Variants in CDK17 observed in about 807,000 individuals in gnomAD.
CDK17 encodes the protein cyclin dependent kinase 17.
CDK17 carries 24 observed loss-of-function variants against 77.6 expected under a neutral mutation model. The ratio of observed to expected loss-of-function variants is 0.31; its 90% CI spans 0.22 to 0.44. The LOEUF (loss-of-function observed/expected upper bound fraction) is 0.44. CDK17 is among the 20% of genes least tolerant of loss of function. The probability of loss-of-function intolerance (pLI) is 1.00; values close to 1 mark genes in which losing one functional copy is unlikely to be tolerated. For missense variants in CDK17, 429 were observed against 622.5 expected, an observed-to-expected ratio of 0.69 and a Z score of 3.31; for synonymous variants, 203 against 210.4, an observed-to-expected ratio of 0.96 and a Z score of 0.30.
intron 1 of CDK17, among the ~76,000 whole-genome samples, chr12:96,365,127 A>C (rs919406019): frequency 7.9e-5 from 12 of 152,228 alleles, no homozygotes; most frequent in African/African-American, 2.9e-4. Context: ...AATGTTAAAT[A>C]AAAATAAAAT....
At chr12:96,365,261 T>C (rs2137196349) in intron 1 of CDK17, among the ~76,000 whole-genome samples, 1 of 152,296 alleles carries the variant, frequency 6.6e-6, no homozygotes, top group Admixed American at 6.5e-5. Flanking sequence ...ATGAATAACA[T>C]CACTATATAC....
chr12:96,327,357 C>G (rs1952904342), intron 2 of CDK17, among the ~76,000 whole-genome samples: 1 of 151,870 alleles, frequency 6.6e-6, no homozygotes, highest in Non-Finnish European at 1.5e-5. Context: ...ACTACAGTAC[C>G]CTAAGTAACA....
At chr12:96,368,675 G>A (rs1049028372) in intron 1 of CDK17, among the ~76,000 whole-genome samples, 3 of 151,606 alleles carry the variant, frequency 2.0e-5, no homozygotes, top group Non-Finnish European at 2.9e-5. Flanking sequence ...CCACATTTTC[G>A]TCTAATATTC....
At chr12:96,397,867 T>A (rs911029323) in intron 1 of CDK17, among the ~76,000 whole-genome samples, 1 of 152,146 alleles carries the variant, frequency 6.6e-6, no homozygotes, top group African/African-American at 2.4e-5. Context: ...TTTTAAGTGG[T>A]GGAGTAGGGT....
chr12:96,399,427 G>C (rs929816456), intron 1 of CDK17: 1 of 152,610 alleles, frequency 6.6e-6, no homozygotes. Flanking sequence ...TCCCACGCGC[G>C]GGCTCCTCCT....
At chr12:96,386,266 G>A (rs1953973078) in intron 1 of CDK17, among the ~76,000 whole-genome samples, 1 of 152,158 alleles carries the variant, frequency 6.6e-6, no homozygotes, top group African/African-American at 2.4e-5. Context: ...AAAGTGCTGG[G>A]ATTACAGACG....
At chr12:96,329,378 C>G (rs930598638) in intron 2 of CDK17, among the ~76,000 whole-genome samples, 1 of 151,928 alleles carries the variant, frequency 6.6e-6, no homozygotes, top group East Asian at 1.9e-4. Context: ...TAATTAGTTC[C>G]AAGTAAGGAT....
At chr12:96,368,297 T>G (rs1314875733) in intron 1 of CDK17, among the ~76,000 whole-genome samples, 1 of 152,220 alleles carries the variant, frequency 6.6e-6, no homozygotes, top group Non-Finnish European at 1.5e-5. Context: ...TTTTTGTGGC[T>G]AGATGTTAGG....
chr12:96,307,677 C>T (rs1952593168), intron 5 of CDK17, among the ~76,000 whole-genome samples: 1 of 152,100 alleles, frequency 6.6e-6, no homozygotes, highest in Non-Finnish European at 1.5e-5. Context: ...TCAAGACCAG[C>T]TTGGCCAACA....
chr12:96,346,120 C>A (rs573044889), intron 1 of CDK17, among the ~76,000 whole-genome samples: 1 of 152,176 alleles, frequency 6.6e-6, no homozygotes, highest in Admixed American at 6.5e-5. Context: ...GAGTTCAAGA[C>A]CAGCCTGGCC....
chr12:96,396,534 C>T (rs1954172274), intron 1 of CDK17, among the ~76,000 whole-genome samples: 1 of 152,138 alleles, frequency 6.6e-6, no homozygotes, highest in African/African-American at 2.4e-5. Context: ...TTATCTTCTG[C>T]ATTTAAAATG....
intron 1 of CDK17, among the ~76,000 whole-genome samples, chr12:96,392,597 G>A (rs933403980): frequency 2.0e-5 from 3 of 152,160 alleles, no homozygotes; most frequent in African/African-American, 4.8e-5. Context: ...ACAGAAAAGC[G>A]TAAGAAAGAA....
rs539115298 is a variant in CDK17, at chr12:96,293,510, G to C, written c.997+1489C>G. 3.3e-5 allele frequency among the ~76,000 whole-genome samples: 5 copies of C among 152,358 alleles called. No individual in the cohort carries two copies. In the South Asian group the frequency reaches 1.0e-3, roughly 32 times the overall value. ...ATCTCACACAGATATGAGGTTGAAA[G>C]AGGAGGGGCATTTTAATAGCCTTTT... is the stretch of plus-strand genomic sequence containing the variant. On this transcript the variant is annotated intron_variant, in intron 10 of 16. Transcript: ENST00000261211.
intron 5 of CDK17, among the ~76,000 whole-genome samples, chr12:96,304,051 T>TA (rs1165736572): frequency 6.6e-6 from 1 of 152,202 alleles, no homozygotes; most frequent in Admixed American, 6.5e-5. Flanking sequence ...TACACTGTAA[T>TA]AAAAGTTACG....
chr12:96,380,852 A>G (rs1953867433), intron 1 of CDK17, among the ~76,000 whole-genome samples: 1 of 152,166 alleles, frequency 6.6e-6, no homozygotes, highest in African/African-American at 2.4e-5. Flanking sequence ...ACATGGAAAT[A>G]CTCATTAGGC....
chr12:96,377,021 T>C (rs1307839202), intron 1 of CDK17, among the ~76,000 whole-genome samples: 1 of 152,118 alleles, frequency 6.6e-6, no homozygotes, highest in Non-Finnish European at 1.5e-5. Context: ...TTACTGAGAG[T>C]AAATGCCTAA....
At position 96,383,171 on chromosome 12, in the gene CDK17, A is replaced by C. The variant is rs542263389; in HGVS notation, c.-30+16815T>G. 2.0e-3 allele frequency among the ~76,000 whole-genome samples: 307 copies of C among 152,282 alleles called. 1 individual carries two copies. Among genetic ancestry groups the C allele is most frequent in the Admixed American group, 3.9e-3 (60 of 15,292 alleles). ...ACAATCTTATTTACAATAGCCCCCC[A>C]AAAAATGAAGTGCCTAGTATTACAT... On this transcript the variant is annotated intron_variant, in intron 1 of 16. Transcript: ENST00000261211.
At chr12:96,393,776 C>CT (rs1954116178) in intron 1 of CDK17, among the ~76,000 whole-genome samples, 1 of 152,062 alleles carries the variant, frequency 6.6e-6, no homozygotes, top group South Asian at 2.1e-4. Flanking sequence ...TGAAAAGCTT[C>CT]TTTTTCCACC....
chr12:96,308,343 C>T lies in CDK17; in HGVS notation c.543+2709G>A, dbSNP rs190093737. Among the ~76,000 whole-genome samples the T allele has an allele frequency of 5.2e-4, 79 of 151,494 alleles. 1 individual carries two copies. The highest frequency in any genetic ancestry group is 4.0e-4 in the Non-Finnish European group (27 of 67,920). On this transcript the variant is annotated intron_variant, in intron 5 of 16. Transcript: ENST00000261211. The stretch of plus-strand genomic sequence containing the variant: ...TGAGGATTGCTTGGGCCCAGGAGTT[C>T]AAGATTACAGTGAGCTATGATCGTG...
Sources: gnomAD v4.1 joint callset for allele counts (sites outside exome capture counted in the v4.1 genomes callset) on GRCh38, gnomAD v4.1.1 for gene constraint, MANE v1.5 for transcripts, NCBI Gene and HGNC (gene_info 2026-07-23, HGNC 2026-07-21) for gene names.